The following OPHN1 variants were observed in gnomAD, a reference collection of about 807,000 sequenced individuals.
OPHN1 encodes oligophrenin-1.
Under a neutral mutation model 60.7 loss-of-function variants are expected in OPHN1, and 11 were observed. That is an observed-to-expected ratio of 0.18 (90% CI 0.11 to 0.30). The LOEUF is 0.30. Ranked by LOEUF, OPHN1 falls within the 10% of genes least tolerant of loss-of-function variation. OPHN1 has a pLI of 1.00. For synonymous variants in OPHN1, 226 were observed against 222.6 expected (o/e 1.02, Z -0.14); for missense variants, 449 against 611.0 (o/e 0.73, Z 2.80).
chrX:68,248,191 G>A (rs986088671), intron 5 of OPHN1, among the ~76,000 whole-genome samples: 1 of 110,978 alleles, frequency 9.0e-6, no homozygotes, highest in African/African-American at 3.3e-5. Context: ...TCTGGCTGCT[G>A]GAGGAGGGAG....
intron 18 of OPHN1, among the ~76,000 whole-genome samples, chrX:68,098,422 G>C (rs770493714): frequency 9.0e-6 from 1 of 111,253 alleles, no homozygotes; most frequent in Non-Finnish European, 1.9e-5. Context: ...TTGGCTGTAG[G>C]AACAGCCCAA....
At chrX:68,416,357 T>C (rs2078799095) in intron 2 of OPHN1, among the ~76,000 whole-genome samples, 2 of 109,983 alleles carry the variant, frequency 1.8e-5, no homozygotes, top group Admixed American at 2.0e-4. Flanking sequence ...AACAAACACA[T>C]ACAAACTATT....
intron 5 of OPHN1, among the ~76,000 whole-genome samples, chrX:68,259,984 T>C (rs761168406): frequency 8.9e-6 from 1 of 111,821 alleles, no homozygotes; most frequent in South Asian, 3.8e-4. Flanking sequence ...ATTAAGGTTT[T>C]CTAATGTTCT....
rs182580359 is a variant in OPHN1, at chrX:68,372,989, T to C, written c.154+59878A>G. ...AAGGAGAGTTGCTGGGGAGCCTACA[T>C]GGCATGGAGTGCCAGGGAGCATAGT... On this transcript the variant is annotated intron_variant, in intron 2 of 24. Transcript: ENST00000355520. Among the ~76,000 whole-genome samples, 14 of 112,071 alleles carry C rather than the reference T, an allele frequency of 1.2e-4. No homozygotes were observed. In the East Asian group the frequency reaches 3.9e-3, roughly 32 times the overall value.
intron 18 of OPHN1, among the ~76,000 whole-genome samples, chrX:68,103,049 C>G (rs1256650306): frequency 9.0e-6 from 1 of 111,722 alleles, no homozygotes; most frequent in Non-Finnish European, 1.9e-5. Context: ...ATCCTGATAC[C>G]AAAACCTGGC....
intron 2 of OPHN1, among the ~76,000 whole-genome samples, chrX:68,394,442 G>A (rs1049708402): frequency 9.0e-6 from 1 of 111,453 alleles, no homozygotes; most frequent in African/African-American, 3.3e-5. Flanking sequence ...ATGCTTGCCT[G>A]CTTTTACATA....
rs188944463 is a variant in OPHN1, at chrX:68,244,445, A to C, written c.385-9857T>G. The stretch of plus-strand genomic sequence containing the variant: ...CCCTCTGGCACACCACTAAAATGTA[A>C]GGTCTACATAAGCAGAGACTTCATC... On this transcript the variant is annotated intron_variant, in intron 5 of 24. Coordinates refer to ENST00000355520, the MANE Select transcript of OPHN1 (RefSeq NM_002547.3). Among the ~76,000 whole-genome samples, 209 of 112,340 alleles carry C rather than the reference A, an allele frequency of 1.9e-3. 2 individuals carry two copies. Among genetic ancestry groups the C allele is most frequent in the African/African-American group, 6.4e-3 (199 of 30,999 alleles).
chrX:68,076,386 T>C lies in OPHN1; in HGVS notation c.1687-3087A>G, dbSNP rs531142390. On this transcript the variant is annotated intron_variant, in intron 19 of 24. Coordinates refer to ENST00000355520, the MANE Select transcript of OPHN1 (RefSeq NM_002547.3). ...CTGATGGGAATGTAAAATCATACAATGTCATAGTGAATTAAAAAAAAAAAC... is the reference window on the plus strand; with the variant it reads ...CTGATGGGAATGTAAAATCATACAACGTCATAGTGAATTAAAAAAAAAAAC... Among the ~76,000 whole-genome samples the C allele has an allele frequency of 8.3e-5, 9 of 108,973 alleles. No homozygotes were observed. The South Asian group carries it at 3.6e-3, about 43-fold the overall frequency. 94.6% of individuals were successfully genotyped at this position (108,973 alleles called of 115,157 possible).
intron 2 of OPHN1, among the ~76,000 whole-genome samples, chrX:68,385,318 G>C (rs1481687519): frequency 9.0e-6 from 1 of 111,349 alleles, no homozygotes; most frequent in Non-Finnish European, 1.9e-5. Flanking sequence ...TGGCACAATG[G>C]CTGCGGGTAT....
chrX:68,048,298 G>A (rs764511936), intron 24 of OPHN1, 118 bp downstream of exon 24: 119 of 606,076 alleles, frequency 2.0e-4, no homozygotes, highest in Middle Eastern at 1.2e-3. Context: ...GAACTGAGGC[G>A]TAGAAGTGAG....
rs185598747 is a variant in OPHN1 at position 68,414,003 on chromosome X, G to A, written c.154+18864C>T. On this transcript the variant is annotated intron_variant, in intron 2 of 24. Coordinates refer to ENST00000355520, the MANE Select transcript of OPHN1 (RefSeq NM_002547.3). ...AGGTCCCATTATTGACAAGAACTCTGTCTCTCTTAATCCTTAGATGAGCCA... is the reference window on the plus strand; with the variant it reads ...AGGTCCCATTATTGACAAGAACTCTATCTCTCTTAATCCTTAGATGAGCCA... 6.5e-4 allele frequency among the ~76,000 whole-genome samples: 73 copies of A among 111,470 alleles called. 1 individual carries two copies. Among genetic ancestry groups the A allele is most frequent in the African/African-American group, 2.3e-3 (71 of 30,678 alleles).
intron 15 of OPHN1, among the ~76,000 whole-genome samples, chrX:68,190,926 A>G (rs1434137830): frequency 8.9e-6 from 1 of 112,001 alleles, no homozygotes; most frequent in African/African-American, 3.2e-5. Context: ...ATGAAAACAG[A>G]TGATGAGGTA....
chrX:68,429,243 C>T (rs1388410381), intron 2 of OPHN1, among the ~76,000 whole-genome samples: 1 of 110,246 alleles, frequency 9.1e-6, no homozygotes, highest in Non-Finnish European at 1.9e-5. Flanking sequence ...GGCAACAAGA[C>T]AAAACCCCGT....
chrX:68,282,940 C>G (rs1183951059), intron 4 of OPHN1, 116 bp downstream of exon 4: 2 of 560,397 alleles, frequency 3.6e-6, no homozygotes, highest in Non-Finnish European at 6.1e-6. Context: ...TTTATAGCAC[C>G]AAGAAGCTAT....
intron 2 of OPHN1, among the ~76,000 whole-genome samples, chrX:68,378,407 T>C (rs1473113729): frequency 8.9e-6 from 1 of 111,891 alleles, no homozygotes; most frequent in Non-Finnish European, 1.9e-5. Context: ...TGGTAGTTTC[T>C]TTTGCTGTGC....
At chrX:68,058,271 C>T (rs2076880883) in intron 21 of OPHN1, among the ~76,000 whole-genome samples, 1 of 110,796 alleles carries the variant, frequency 9.0e-6, no homozygotes, top group South Asian at 3.8e-4. Flanking sequence ...CACACACACA[C>T]ACACACACAC....
At chrX:68,222,965 A>AC (rs1267620066) in intron 6 of OPHN1, among the ~76,000 whole-genome samples, 1 of 111,347 alleles carries the variant, frequency 9.0e-6, no homozygotes, top group Non-Finnish European at 1.9e-5. Context: ...AGAAAAAAAA[A>AC]GAAAATGGAA....
intron 6 of OPHN1, among the ~76,000 whole-genome samples, chrX:68,230,246 T>C (rs112697461): frequency 1.8e-5 from 2 of 111,006 alleles, no homozygotes; most frequent in African/African-American, 6.5e-5. Flanking sequence ...ATGGCAATCA[T>C]TAAAAAGTCA....
intron 19 of OPHN1, among the ~76,000 whole-genome samples, chrX:68,092,014 G>C (rs1023360619): frequency 1.8e-5 from 2 of 111,273 alleles, no homozygotes; most frequent in African/African-American, 6.5e-5. Context: ...TTTTAAGCAA[G>C]ACTTAGTAAT....
Sources: allele counts gnomAD v4.1 joint callset (sites outside exome capture counted in the v4.1 genomes callset), GRCh38; gene constraint gnomAD v4.1.1; transcripts MANE v1.5; gene names NCBI Gene and HGNC (gene_info 2026-07-23, HGNC 2026-07-21).